The following CHRNE variants were observed in gnomAD, a reference collection of about 807,000 sequenced individuals.
CHRNE encodes the protein cholinergic receptor nicotinic epsilon subunit.
Under a neutral mutation model 56.5 loss-of-function variants are expected in CHRNE, and 58 were observed. The observed-to-expected ratio is 1.03, with a 90% CI of 0.83 to 1.28. The LOEUF is 1.28. CHRNE is among the 50% of genes most tolerant of loss of function. The pLI, the probability that CHRNE is intolerant of heterozygous loss-of-function variation, is 0.00. For missense variants in CHRNE, 793 were observed against 688.9 expected, an observed-to-expected ratio of 1.15 and a Z score of -1.69; for synonymous variants, 385 against 297.9, an observed-to-expected ratio of 1.29 and a Z score of -3.01.
At position 4,902,942 on chromosome 17, in the gene CHRNE, C is replaced by A; in HGVS notation, c.46+76G>T. ...ACTGTGTCTAAGTCTCCATCTTGGT[C>A]TCTGTCTTTGTCTTCCCAGTCCCTT... On this transcript the variant is annotated intron_variant, in intron 1 of 11. Transcript: ENST00000649488. This position sits in a 1 kb window ranked among gnomAD's most constrained non-coding sequence, Gnocchi z 4.0. The A allele has an allele frequency of 6.2e-7, 1 of 1,602,994 alleles. No homozygotes were observed. The highest frequency in any genetic ancestry group is 1.1e-5 in the South Asian group (1 of 90,786).
In CHRNE at chr17:4,899,009, T is replaced by C. The variant is rs748069648; in HGVS notation, c.1318A>G (p.Thr440Ala). 1 of 1,601,332 alleles carries C rather than the reference T, an allele frequency of 6.2e-7. No homozygotes were observed. The highest frequency in any genetic ancestry group is 1.1e-5 in the South Asian group (1 of 88,770). ...VAESTRDQEA[T>A]GEEVSDWVRM... is the part of the protein sequence containing the mutation. ...TCTGGCTCCTGTCCCACCTCGCCGG[T>C]GGCCTCCTGATCTCTCGTGCTCTCG... Residue 440 changes from threonine (T) to alanine (A), a missense_variant, in exon 11 of 12, where the codon ACC (threonine) becomes GCC (alanine). Physicochemically the swap from Thr to Ala is moderately conservative, Grantham distance 58. Transcript: ENST00000649488.
chr17:4,901,110 T>C lies in CHRNE; in HGVS notation c.682A>G (p.Thr228Ala), dbSNP rs1252881821. ...ATGATGAGCGAGTAGATGACGTCAG[T>C]CTCCCCTGGGCCGTCGGTGGCGCCA... Reference protein sequence around the residue: ...HGGATDGPGETDVIYSLIIRR... With the variant: ...HGGATDGPGEADVIYSLIIRR... The change falls in exon 7 of 12, where the codon ACT becomes GCT. Residue 228 changes from threonine (T) to alanine (A), a missense_variant. Physicochemically the swap from Thr to Ala is moderately conservative, Grantham distance 58 (BLOSUM62 0). Coordinates refer to ENST00000649488, the MANE Select transcript of CHRNE (RefSeq NM_000080.4). 2 of 1,613,326 alleles carry C rather than the reference T, an allele frequency of 1.2e-6. No homozygotes were observed. The highest frequency in any genetic ancestry group is 1.7e-6 in the Non-Finnish European group (2 of 1,179,914).
chr17:4,899,298 C>T lies in CHRNE; in HGVS notation c.1119G>A (p.Ser373=), dbSNP rs372862723. Residue 373 remains serine, a synonymous_variant, in exon 10 of 12, where the codon TCG becomes TCA. Coordinates refer to ENST00000649488, the MANE Select transcript of CHRNE (RefSeq NM_000080.4). The stretch of plus-strand genomic sequence containing the variant: ...CCGCGCGGAGCAATAAGCCCACCGA[C>T]GACGCCCGCCTTGGGGGCGAGGCGG... The part of the protein sequence containing the change: ...PRAASPPRRA[S]SVGLLLRAEE... 2 of 1,593,452 alleles carry T rather than the reference C, an allele frequency of 1.3e-6. No homozygotes were observed. Among genetic ancestry groups the T allele is most frequent in the Non-Finnish European group, 1.7e-6 (2 of 1,175,650 alleles).
chr17:4,901,251 G>C (rs1045728830), intron 6 of CHRNE, 61 bp from the exon 7 acceptor site: 1 of 1,560,414 alleles, frequency 6.4e-7, no homozygotes, highest in Non-Finnish European at 8.7e-7. Context: ...AGCTGACAGC[G>C]GGCTGAAGAG....
Position 4,900,588 on chromosome 17 carries a change from G to A in CHRNE, c.917+205C>T, listed in dbSNP as rs1031334298. 4 of 1,545,272 alleles carry A rather than the reference G, an allele frequency of 2.6e-6. No individual in the cohort carries two copies. In the African/African-American group the frequency reaches 5.5e-5, roughly 21 times the overall value. On this transcript the variant is annotated intron_variant, in intron 8 of 11. Transcript: ENST00000649488. ...CTGAGCCGGACTGTCCCCCAAGAGA[G>A]CTACTCGGGAGACCTCCAGGTGACG...
chr17:4,900,555 G>T, intron 8 of CHRNE: 5 of 1,550,348 alleles, frequency 3.2e-6, no homozygotes, highest in Non-Finnish European at 2.6e-6. Flanking sequence ...GGCGGGGCTA[G>T]GGAGGCACTG....
At chr17:4,901,295 C>G (rs563436065) in intron 6 of CHRNE, 105 bp from the exon 7 acceptor site, 1 of 1,307,630 alleles carries the variant, frequency 7.6e-7, no homozygotes, top group East Asian at 2.4e-5. Context: ...GGTCATGGGC[C>G]GTCAGGATGG....
intron 8 of CHRNE, chr17:4,900,177 G>A (rs935459026): frequency 5.8e-6 from 9 of 1,544,978 alleles, no homozygotes; most frequent in African/African-American, 1.4e-5. Context: ...GATACGCGGC[G>A]ATCGGGTAGC....
In CHRNE at chr17:4,898,676, C is replaced by T. The variant is rs1369376945; in HGVS notation, c.*60G>A. 8 of 1,568,982 alleles carry T rather than the reference C, an allele frequency of 5.1e-6. No individual in the cohort carries two copies. The highest frequency in any genetic ancestry group is 1.3e-5 in the African/African-American group (1 of 74,522). On this transcript the variant is annotated 3_prime_UTR_variant, in exon 12 of 12. Transcript: ENST00000649488. ...GATCATAATGCCGTGGTGGCGGCAG[C>T]CTACTTTTTCAAAATCAATTTCCTA...
Position 4,902,327 on chromosome 17 carries a change from C to T in CHRNE, c.235-1G>A. On this transcript the variant is annotated splice_acceptor_variant, in intron 3 of 11. Transcript: ENST00000649488. LOFTEE classifies it high-confidence loss of function. This position sits in a 1 kb window ranked among gnomAD's most constrained non-coding sequence, Gnocchi z 4.0. ...AGTTGAGTCGGTAATCCTGCCAATCCTAAGGGGTGGGGGATGGAAGGCCGC... is the reference window on the plus strand; with the variant it reads ...AGTTGAGTCGGTAATCCTGCCAATCTTAAGGGGTGGGGGATGGAAGGCCGC... 1 of 1,614,174 alleles carries T rather than the reference C, an allele frequency of 6.2e-7. No homozygotes were observed. The highest frequency in any genetic ancestry group is 1.1e-5 in the South Asian group (1 of 91,084).
Position 4,901,199 on chromosome 17 carries a change from C to T in CHRNE, c.602-9G>A, listed in dbSNP as rs1382185555. 9 of 1,599,636 alleles carry T rather than the reference C, an allele frequency of 5.6e-6. No individual in the cohort carries two copies. Among genetic ancestry groups the T allele is most frequent in the African/African-American group, 5.3e-5 (4 of 74,814 alleles). Reference sequence around the variant, plus strand: ...GGCCCACTCGCCGTTCTCTGCGGGACGGGGGCACGGTCAGCTGGCTGTCAG... The same window carrying T: ...GGCCCACTCGCCGTTCTCTGCGGGATGGGGGCACGGTCAGCTGGCTGTCAG... On this transcript the variant is annotated splice_polypyrimidine_tract_variant and intron_variant, in intron 6 of 11. Coordinates refer to ENST00000649488, the MANE Select transcript of CHRNE (RefSeq NM_000080.4).
At position 4,899,642 on chromosome 17, in the gene CHRNE, G is replaced by A. The variant is rs915962140; in HGVS notation, c.918-60C>T. ...TCCTCCCAGCTACCGAAGGCGCCGC[G>A]CGCTGACCTCACAAACACGGCTTCT... On this transcript the variant is annotated intron_variant, in intron 8 of 11. Transcript: ENST00000649488. 3.4e-6 allele frequency: 5 copies of A among 1,465,444 alleles called. No homozygotes were observed. The South Asian group carries it at 3.6e-5, about 11-fold the overall frequency. The allele number at this position is 1,465,444 out of a possible 1,614,324, so 90.8% of individuals were successfully genotyped here. A position where few individuals can be genotyped will look rare whatever the true frequency, so the allele number is the denominator to read the frequency against.
intron 8 of CHRNE, 143 bp from the exon 9 acceptor site, chr17:4,899,725 C>G (rs995149076): frequency 6.5e-7 from 1 of 1,534,116 alleles, no homozygotes; most frequent in Non-Finnish European, 8.8e-7. Context: ...ACAGACGCGT[C>G]CCCCAGCCCT....
At position 4,902,792 on chromosome 17, in the gene CHRNE, T is replaced by C. The variant is rs369374744; in HGVS notation, c.47-29A>G. On this transcript the variant is annotated intron_variant, in intron 1 of 11. Coordinates refer to ENST00000649488, the MANE Select transcript of CHRNE (RefSeq NM_000080.4). The surrounding 1 kb of genome is among the most constrained non-coding windows in gnomAD (Gnocchi z 4.0). ...CGATGGGGTCAAGAAGGAAGGGTCATTGGCAATGAAGAGGCTGGAGCACCT... is the reference window on the plus strand; with the variant it reads ...CGATGGGGTCAAGAAGGAAGGGTCACTGGCAATGAAGAGGCTGGAGCACCT... 11 of 1,613,826 alleles carry C rather than the reference T, an allele frequency of 6.8e-6. No individual in the cohort carries two copies. The South Asian group carries it at 7.7e-5, about 11-fold the overall frequency.
At position 4,901,547 on chromosome 17, in the gene CHRNE, G is replaced by A; in HGVS notation, c.579C>T (p.Asp193=). 2 of 1,614,176 alleles carry A rather than the reference G, an allele frequency of 1.2e-6. No individual in the cohort carries two copies. Among genetic ancestry groups the A allele is most frequent in the Non-Finnish European group, 8.5e-7 (1 of 1,180,010 alleles). Reference sequence around the variant, plus strand: ...CACCAGTATAGGCCTCTGTGTCGATGTCGATCTTGTTGATGGTCTTGCCGT... The same window carrying A: ...CACCAGTATAGGCCTCTGTGTCGATATCGATCTTGTTGATGGTCTTGCCGT... ...DNDGKTINKI[D]IDTEAYTENG... The change falls in exon 6 of 12, where the codon GAC becomes GAT. Residue 193 remains aspartate (D), a synonymous_variant. Transcript: ENST00000649488.
upstream of CHRNE, among the ~76,000 whole-genome samples, chr17:4,904,060 T>C (rs1030826279): frequency 6.6e-6 from 1 of 152,108 alleles, no homozygotes; most frequent in Non-Finnish European, 1.5e-5. Flanking sequence ...GGTTTCACCA[T>C]GTTAGCCAGG....
At position 4,899,174 on chromosome 17, in the gene CHRNE, C is replaced by A. The variant is rs1280133985; in HGVS notation, c.1219+24G>T. 3.8e-6 allele frequency: 6 copies of A among 1,590,306 alleles called. No individual in the cohort carries two copies. In the East Asian group the frequency reaches 1.4e-4, roughly 36 times the overall value. ...CCTGGCAGGCACCCCGCGCGGCCCCCCGGGCCAGGGCCACTGTGCTCACCC... is the reference window on the plus strand; with the variant it reads ...CCTGGCAGGCACCCCGCGCGGCCCCACGGGCCAGGGCCACTGTGCTCACCC... On this transcript the variant is annotated intron_variant, in intron 10 of 11. Coordinates refer to ENST00000649488, the MANE Select transcript of CHRNE (RefSeq NM_000080.4).
rs370019023 is a variant in CHRNE, at chr17:4,900,805, G to T, written c.905C>A (p.Pro302Gln). ...QKIPETSLSV[P>Q]LLGRFLIFVM... ...GCTCCGGCTTCACCTGCCCAGGAGC[G>T]GCACGCTCAGAGAAGTCTCTGGGAT... is the stretch of plus-strand genomic sequence containing the variant. The change falls in exon 8 of 12, where the codon CCG (proline) becomes CAG (glutamine). Residue 302 changes from proline to glutamine, a missense_variant. Coordinates refer to ENST00000649488, the MANE Select transcript of CHRNE (RefSeq NM_000080.4). 2.5e-6 allele frequency: 4 copies of T among 1,613,696 alleles called. No homozygotes were observed. Among genetic ancestry groups the T allele is most frequent in the African/African-American group, 1.3e-5 (1 of 74,930 alleles).
chr17:4,899,310 TG>T lies in CHRNE; in HGVS notation c.1106del (p.Pro369GlnfsTer16). ...PPEAPRAASP[P>X]RRASSVGLLL... ...ATAAGCCCACCGACGACGCCCGCCT[TG>T]GGGGCGAGGCGGCCCGGGGGGCCTC... On this transcript the variant is annotated frameshift_variant, in exon 10 of 12. Transcript: ENST00000649488. LOFTEE classifies it high-confidence loss of function. The T allele has an allele frequency of 6.3e-7, 1 of 1,580,020 alleles. No individual in the cohort carries two copies.
Sources: allele counts gnomAD v4.1 joint callset (sites outside exome capture counted in the v4.1 genomes callset), GRCh38; gene constraint gnomAD v4.1.1; non-coding constraint Gnocchi (gnomAD v3.1); transcripts MANE v1.5; gene names NCBI Gene and HGNC (gene_info 2026-07-23, HGNC 2026-07-21).